Variants in DLGAP2 observed in about 807,000 individuals in gnomAD.
The protein encoded by DLGAP2 is disks large-associated protein 2.
DLGAP2 carries 26 observed loss-of-function variants against 100.3 expected under a neutral mutation model. That is an observed-to-expected ratio of 0.26 (90% CI 0.19 to 0.36). The LOEUF (loss-of-function observed/expected upper bound fraction) is 0.36. Among genes scored for constraint, DLGAP2 ranks in the 10% least tolerant of loss-of-function variants. The pLI is 1.00. For synonymous variants in DLGAP2, 886 were observed against 630.1 expected, an observed-to-expected ratio of 1.41 and a Z score of -6.08; for missense variants, 1,858 against 1,453.2, an observed-to-expected ratio of 1.28 and a Z score of -4.53.
chr8:763,857 C>G (rs1300526795), intron 1 of DLGAP2, among the ~76,000 whole-genome samples: 1 of 152,202 alleles, frequency 6.6e-6, no homozygotes, highest in African/African-American at 2.4e-5. Flanking sequence ...GCAGTCTTGA[C>G]TCATAGCTGA....
intron 11 of DLGAP2, among the ~76,000 whole-genome samples, chr8:1,677,336 A>G (rs915765159): frequency 6.6e-6 from 1 of 152,050 alleles, no homozygotes; most frequent in Non-Finnish European, 1.5e-5. Context: ...CATCTTCTGC[A>G]CCTGGGAGCC....
chr8:1,123,466 A>T (rs772849809), intron 2 of DLGAP2, among the ~76,000 whole-genome samples: 12 of 152,198 alleles, frequency 7.9e-5, no homozygotes, highest in Non-Finnish European at 1.6e-4. Flanking sequence ...GAGGTTCCTC[A>T]TAGTATTTTC....
intron 6 of DLGAP2, among the ~76,000 whole-genome samples, chr8:1,576,237 C>A (rs544497701): frequency 1.3e-5 from 2 of 152,314 alleles, no homozygotes; most frequent in Non-Finnish European, 2.9e-5. Context: ...AGCATTTTTT[C>A]ATGTGTCTGT....
rs866676086 is a variant in DLGAP2 at position 1,013,648 on chromosome 8, T to A, written c.73+105682T>A. 1.9e-4 allele frequency among the ~76,000 whole-genome samples: 25 copies of A among 130,684 alleles called. 2 individuals are homozygous for A. Among genetic ancestry groups the A allele is most frequent in the African/African-American group, 7.1e-4 (20 of 28,176 alleles). 85.7% of individuals were successfully genotyped at this position (130,684 alleles called of 152,430 possible). A position where few individuals can be genotyped will look rare whatever the true frequency, so the allele number is the denominator to read the frequency against. On this transcript the variant is annotated intron_variant, in intron 2 of 14. Coordinates refer to ENST00000637795, the MANE Select transcript of DLGAP2 (RefSeq NM_001346810.2). ...ACAGACGGTGCCTCCACTGTGTGTG[T>A]GACCAGGACAGACGCCTCCACTGTG... is the stretch of plus-strand genomic sequence containing the variant.
In DLGAP2 at chr8:1,224,979, C is replaced by T. The variant is rs913031656; in HGVS notation, c.74-33872C>T. Among the ~76,000 whole-genome samples, 4 of 152,226 alleles carry T rather than the reference C, an allele frequency of 2.6e-5. No homozygotes were observed. In the East Asian group the frequency reaches 5.8e-4, roughly 22 times the overall value. ...AAGGATATGGACAAACTGAAATCCT[C>T]ATATGTTGCTGTTGGAAATGTAAAG... On this transcript the variant is annotated intron_variant, in intron 2 of 14. Transcript: ENST00000637795.
At chr8:1,373,260 G>A (rs1227719063) in intron 3 of DLGAP2, among the ~76,000 whole-genome samples, 6 of 151,966 alleles carry the variant, frequency 3.9e-5, no homozygotes, top group Admixed American at 3.3e-4. Context: ...GGGAGGCGCC[G>A]CCGCCACGCG....
chr8:1,648,734 C>G (rs770501333), intron 8 of DLGAP2, among the ~76,000 whole-genome samples: 15 of 152,214 alleles, frequency 9.9e-5, no homozygotes, highest in Non-Finnish European at 2.1e-4. Flanking sequence ...CGGCCTCTTT[C>G]CTCCTCTCCC....
At chr8:1,150,571 A>C (rs944505519) in intron 2 of DLGAP2, among the ~76,000 whole-genome samples, 1 of 152,242 alleles carries the variant, frequency 6.6e-6, no homozygotes, top group African/African-American at 2.4e-5. Flanking sequence ...ATCATGCCTC[A>C]TTCCTATGAA....
chr8:1,539,806 G>T (rs1163884974), intron 4 of DLGAP2, among the ~76,000 whole-genome samples: 4 of 152,200 alleles, frequency 2.6e-5, no homozygotes, highest in Admixed American at 2.6e-4. Flanking sequence ...GAGCCAGCAG[G>T]TGGGACACAG....
chr8:1,162,952 G>C (rs115335344), intron 2 of DLGAP2, among the ~76,000 whole-genome samples: 1 of 152,228 alleles, frequency 6.6e-6, no homozygotes, highest in African/African-American at 2.4e-5. Context: ...ATCTGGGGAG[G>C]AAAGTCAGAG....
intron 3 of DLGAP2, among the ~76,000 whole-genome samples, chr8:1,269,410 T>G (rs1563053039): frequency 6.6e-6 from 1 of 152,230 alleles, no homozygotes; most frequent in Non-Finnish European, 1.5e-5. Flanking sequence ...GCGGTGAGCC[T>G]AGGTCAGAGC....
chr8:1,510,313 A>G (rs1399811721), intron 4 of DLGAP2, among the ~76,000 whole-genome samples: 2 of 152,194 alleles, frequency 1.3e-5, no homozygotes, highest in Non-Finnish European at 2.9e-5. Context: ...ATAGGAAGTG[A>G]AGGTCCGCTG....
Position 1,459,532 on chromosome 8 carries a change from TTTC to T in DLGAP2, c.107-41827_107-41825del, listed in dbSNP as rs570956210. Reference sequence around the variant, plus strand: ...AAAACTTTAAATGGGCTTGGGCTCATTTCTTCTTCAAATTAACTGCAATACCAA... The same window carrying T: ...AAAACTTTAAATGGGCTTGGGCTCATTTCTTCAAATTAACTGCAATACCAA... On this transcript the variant is annotated intron_variant, in intron 3 of 14. Transcript: ENST00000637795. Among the ~76,000 whole-genome samples, 310 of 152,326 alleles carry T rather than the reference TTTC, an allele frequency of 2.0e-3. 2 individuals are homozygous for T. Among genetic ancestry groups the T allele is most frequent in the African/African-American group, 7.0e-3 (293 of 41,576 alleles).
At chr8:1,669,262 A>T (rs769289359) in intron 9 of DLGAP2, among the ~76,000 whole-genome samples, 1 of 152,186 alleles carries the variant, frequency 6.6e-6, no homozygotes, top group Non-Finnish European at 1.5e-5. Flanking sequence ...CCCGCCGTCC[A>T]TCTGGGCCCC....
intron 2 of DLGAP2, among the ~76,000 whole-genome samples, chr8:1,083,853 A>G (rs190204266): frequency 1.3e-5 from 2 of 152,350 alleles, no homozygotes; most frequent in Admixed American, 1.3e-4. Flanking sequence ...TTTTTTCTTA[A>G]TATAGAAAGT....
At chr8:1,119,442 A>G (rs1391463037) in intron 2 of DLGAP2, among the ~76,000 whole-genome samples, 1 of 152,212 alleles carries the variant, frequency 6.6e-6, no homozygotes, top group Admixed American at 6.5e-5. Flanking sequence ...CACCAAGAAC[A>G]TTGCTTAACT....
intron 3 of DLGAP2, among the ~76,000 whole-genome samples, chr8:1,413,879 A>T (rs1488901788): frequency 6.6e-6 from 1 of 152,240 alleles, no homozygotes; most frequent in Non-Finnish European, 1.5e-5. Flanking sequence ...TGTCAATGGC[A>T]TACTTATTAA....
chr8:1,069,716 T>G (rs1263349031), intron 2 of DLGAP2, among the ~76,000 whole-genome samples: 2 of 152,208 alleles, frequency 1.3e-5, no homozygotes, highest in East Asian at 1.9e-4. Context: ...TAAAAGTTAT[T>G]TGTGCTCGCC....
intron 2 of DLGAP2, among the ~76,000 whole-genome samples, chr8:1,190,262 A>G (rs994624534): frequency 3.3e-5 from 5 of 152,058 alleles, no homozygotes; most frequent in Admixed American, 1.3e-4. Flanking sequence ...GGCACTCCCC[A>G]CTTGCTGTGG....
Sources: allele counts gnomAD v4.1 joint callset (sites outside exome capture counted in the v4.1 genomes callset), GRCh38; gene constraint gnomAD v4.1.1; transcripts MANE v1.5; gene names NCBI Gene and HGNC (gene_info 2026-07-23, HGNC 2026-07-21).